Variants in MAML2 observed in about 807,000 individuals in gnomAD.
The protein encoded by MAML2 is mastermind like transcriptional coactivator 2.
MAML2 carries 22 observed loss-of-function variants against 96.1 expected under a neutral mutation model. That is an observed-to-expected ratio of 0.23 (90% CI 0.16 to 0.33). MAML2 has a LOEUF of 0.33. Among genes scored for constraint, MAML2 ranks in the 10% least tolerant of loss-of-function variants. The pLI is 1.00. For missense variants in MAML2, 1,367 were observed against 1,392.4 expected (o/e 0.98, Z 0.29); for synonymous variants, 561 against 521.3 (o/e 1.08, Z -1.04).
intron 1 of MAML2, among the ~76,000 whole-genome samples, chr11:96,171,342 C>A (rs1208355120): frequency 6.6e-6 from 1 of 152,066 alleles, no homozygotes; most frequent in East Asian, 1.9e-4. Context: ...CTGTCTTATT[C>A]CCCTCGTGTT....
At chr11:96,262,511 G>T (rs191928705) in intron 1 of MAML2, among the ~76,000 whole-genome samples, 3 of 149,736 alleles carry the variant, frequency 2.0e-5, no homozygotes, top group Non-Finnish European at 4.4e-5. Flanking sequence ...TCTGTTGCCC[G>T]GGCTGGAGTG....
chr11:96,001,501 T>C (rs1423407842), intron 2 of MAML2, among the ~76,000 whole-genome samples: 1 of 152,174 alleles, frequency 6.6e-6, no homozygotes, highest in East Asian at 1.9e-4. Context: ...GGATTTCACA[T>C]AGCTATGGAT....
chr11:96,129,316 G>C lies in MAML2; in HGVS notation c.514-35799C>G, dbSNP rs138299414. ...TCATTATAGACCAGTGGTTCACCTG[G>C]AGGACTTTTTAAAACACAGATTGCT... On this transcript the variant is annotated intron_variant, in intron 1 of 4. Transcript: ENST00000524717. Among the ~76,000 whole-genome samples the C allele has an allele frequency of 3.5e-4, 54 of 152,286 alleles. No individual in the cohort carries two copies. In the East Asian group the frequency reaches 9.7e-3, roughly 27 times the overall value.
At chr11:96,015,703 G>T (rs1858340233) in intron 2 of MAML2, among the ~76,000 whole-genome samples, 1 of 151,746 alleles carries the variant, frequency 6.6e-6, no homozygotes, top group Non-Finnish European at 1.5e-5. Flanking sequence ...TGAATTGTCT[G>T]CAGGCTTTAT....
chr11:96,094,422 C>T (rs182674330), intron 1 of MAML2, among the ~76,000 whole-genome samples: 6 of 152,234 alleles, frequency 3.9e-5, no homozygotes, highest in Admixed American at 2.0e-4. Flanking sequence ...TGAGATAATG[C>T]ATATAAAAGT....
At chr11:96,339,135 T>C (rs1360232481) in intron 1 of MAML2, among the ~76,000 whole-genome samples, 1 of 152,200 alleles carries the variant, frequency 6.6e-6, no homozygotes, top group African/African-American at 2.4e-5. Context: ...ACTTAAACTG[T>C]GCCTCTCTGC....
chr11:96,132,696 C>G (rs541533442), intron 1 of MAML2, among the ~76,000 whole-genome samples: 1 of 152,302 alleles, frequency 6.6e-6, no homozygotes, highest in African/African-American at 2.4e-5. Context: ...ATATTTCTAC[C>G]AAATACTGTA....
In MAML2 at chr11:95,985,632, G is replaced by A. The variant is rs374798284; in HGVS notation, c.2354C>T (p.Ala785Val). The change falls in exon 4 of 5, where the codon GCT becomes GTT. Residue 785 changes from alanine (A) to valine (V), a missense_variant. Physicochemically the swap from Ala to Val is moderately conservative, Grantham distance 64. Transcript: ENST00000524717. Reference sequence around the variant, plus strand: ...ATGTCGGTTTATCTGATCTTGTGGAGCAATTTTCTCCTTGAGAAATGATAT... The same window carrying A: ...ATGTCGGTTTATCTGATCTTGTGGAACAATTTTCTCCTTGAGAAATGATAT... Reference protein sequence around the residue: ...QQMLADAEKIAPQDQINRHLS... With the variant: ...QQMLADAEKIVPQDQINRHLS... 5.6e-6 allele frequency: 9 copies of A among 1,602,604 alleles called. No homozygotes were observed. Among genetic ancestry groups the A allele is most frequent in the Non-Finnish European group, 7.7e-6 (9 of 1,170,808 alleles).
At chr11:96,300,007 G>A (rs941377747) in intron 1 of MAML2, among the ~76,000 whole-genome samples, 1 of 152,160 alleles carries the variant, frequency 6.6e-6, no homozygotes, top group African/African-American at 2.4e-5. Flanking sequence ...AGAGGAGGTA[G>A]GGAGAATAAC....
rs1489644396 is a variant in MAML2 at position 96,155,527 on chromosome 11, T to C, written c.514-62010A>G. 1.3e-3 allele frequency among the ~76,000 whole-genome samples: 84 copies of C among 66,390 alleles called. 4 individuals are homozygous for C. The South Asian group carries it at 0.031, about 25-fold the overall frequency. 43.6% of individuals were successfully genotyped at this position (66,390 alleles called of 152,430 possible). ...CAATTCAAATATATATATATATATA[T>C]ATATATATATATATATATATATATG... is the stretch of plus-strand genomic sequence containing the variant. On this transcript the variant is annotated intron_variant, in intron 1 of 4. Coordinates refer to ENST00000524717, the MANE Select transcript of MAML2 (RefSeq NM_032427.4).
intron 1 of MAML2, among the ~76,000 whole-genome samples, chr11:96,117,900 C>G (rs1054986422): frequency 6.6e-6 from 1 of 152,190 alleles, no homozygotes; most frequent in African/African-American, 2.4e-5. Flanking sequence ...AGAAAGACTT[C>G]TGTTCTCTTC....
At chr11:96,183,979 A>G (rs1275012776) in intron 1 of MAML2, among the ~76,000 whole-genome samples, 2 of 152,210 alleles carry the variant, frequency 1.3e-5, no homozygotes, top group Non-Finnish European at 2.9e-5. Context: ...TGGACCAACT[A>G]TGGAAAAGCT....
chr11:96,085,261 C>A (rs1173590049), intron 2 of MAML2, among the ~76,000 whole-genome samples: 1 of 152,132 alleles, frequency 6.6e-6, no homozygotes, highest in Non-Finnish European at 1.5e-5. Flanking sequence ...CTTCTCTGAT[C>A]CTACTAGTCT....
intron 2 of MAML2, among the ~76,000 whole-genome samples, chr11:96,050,202 G>A (rs374059665): frequency 6.6e-6 from 1 of 152,156 alleles, no homozygotes; most frequent in East Asian, 1.9e-4. Flanking sequence ...ACATCCCTGG[G>A]TATTTATACA....
intron 1 of MAML2, among the ~76,000 whole-genome samples, chr11:96,149,432 A>AAAAAAAAAAAAAAAAAAAAAAAT (rs59453325): frequency 8.9e-6 from 1 of 112,588 alleles, no homozygotes. Flanking sequence ...AAAAAAAAAA[A>AAAAAAAAAAAAAAAAAAAAAAAT]TGAGAAGTTA....
intron 1 of MAML2, among the ~76,000 whole-genome samples, chr11:96,253,478 A>G (rs538463572): frequency 1.3e-5 from 2 of 152,264 alleles, no homozygotes; most frequent in East Asian, 1.9e-4. Flanking sequence ...TCAAAACAGA[A>G]TATCTCCCAT....
At chr11:96,078,381 C>T (rs1859477421) in intron 2 of MAML2, among the ~76,000 whole-genome samples, 1 of 152,170 alleles carries the variant, frequency 6.6e-6, no homozygotes, top group Non-Finnish European at 1.5e-5. Flanking sequence ...ATAAGTCAAA[C>T]AGACTTTGGA....
chr11:96,033,813 T>C (rs1858656529), intron 2 of MAML2, among the ~76,000 whole-genome samples: 1 of 152,128 alleles, frequency 6.6e-6, no homozygotes, highest in Admixed American at 6.5e-5. Context: ...AGAGAGCTCT[T>C]GGAAGGGAGA....
At chr11:96,033,682 G>C (rs1418389814) in intron 2 of MAML2, among the ~76,000 whole-genome samples, 1 of 152,186 alleles carries the variant, frequency 6.6e-6, no homozygotes, top group Non-Finnish European at 1.5e-5. Flanking sequence ...TGGTGAGAGA[G>C]CACATGGAAG....
Sources: gnomAD v4.1 joint callset for allele counts (sites outside exome capture counted in the v4.1 genomes callset) on GRCh38, gnomAD v4.1.1 for gene constraint, MANE v1.5 for transcripts, NCBI Gene and HGNC (gene_info 2026-07-23, HGNC 2026-07-21) for gene names.